Variants in FHOD1 observed in about 807,000 individuals in gnomAD.
FHOD1 encodes the protein formin homology 2 domain containing 1, also known as FH1/FH2 domain-containing protein 1.
A neutral mutation model predicts 111.6 loss-of-function variants in FHOD1; 89 were observed. That is an observed-to-expected ratio of 0.80 (90% CI 0.67 to 0.95). FHOD1 has a LOEUF of 0.95. Among genes scored for constraint, FHOD1 ranks in the 40% least tolerant of loss-of-function variants. The probability of loss-of-function intolerance (pLI) is 0.00; values close to 1 mark genes in which losing one functional copy is unlikely to be tolerated. For synonymous variants in FHOD1, 618 were observed against 639.0 expected (o/e 0.97, Z 0.50); for missense variants, 1,446 against 1,554.2 (o/e 0.93, Z 1.17).
chr16:67,236,688 G>A lies in FHOD1; in HGVS notation c.1188C>T (p.Gly396=). 3 of 1,592,234 alleles carry A rather than the reference G, an allele frequency of 1.9e-6. No individual in the cohort carries two copies. The highest frequency in any genetic ancestry group is 8.6e-7 in the Non-Finnish European group (1 of 1,169,166). The change falls in exon 11 of 22, where the codon GGC becomes GGT. Residue 396 remains glycine, a synonymous_variant. Coordinates refer to ENST00000258201, the MANE Select transcript of FHOD1 (RefSeq NM_013241.3). ...AGGCGGGGCCTGTCAGCAGGGCGGGGCCGGTGGAAGAGGTGGGGCCTACCG... is the reference window on the plus strand; with the variant it reads ...AGGCGGGGCCTGTCAGCAGGGCGGGACCGGTGGAAGAGGTGGGGCCTACCG... ...ASPVGPTSST[G]PALLTGPASS... is the part of the protein sequence containing the mutation.
chr16:67,231,954 C>T lies in FHOD1; in HGVS notation c.2202+85G>A. 1 of 1,568,176 alleles carries T rather than the reference C, an allele frequency of 6.4e-7. No homozygotes were observed. Among genetic ancestry groups the T allele is most frequent in the Non-Finnish European group, 8.7e-7 (1 of 1,153,292 alleles). On this transcript the variant is annotated intron_variant, in intron 14 of 21. Coordinates refer to ENST00000258201, the MANE Select transcript of FHOD1 (RefSeq NM_013241.3). This position sits in a 1 kb window ranked among gnomAD's most constrained non-coding sequence, Gnocchi z 4.3. ...GCCCTGCAGAAATGCCAAGCCCATG[C>T]CCACCACCAGAGGGACAGGAAATGC...
chr16:67,238,459 A>G lies in FHOD1; in HGVS notation c.374-12T>C, dbSNP rs1213449593. ...GCTATACAGCTTTTCTGCAAAAGGT[A>G]GGGTATAAAACCCTTGATGGACACA... is the stretch of plus-strand genomic sequence containing the variant. On this transcript the variant is annotated splice_polypyrimidine_tract_variant and intron_variant, in intron 3 of 21. Transcript: ENST00000258201. This position sits in a 1 kb window ranked among gnomAD's most constrained non-coding sequence, Gnocchi z 4.2. 6.2e-7 allele frequency: 1 copy of G among 1,612,142 alleles called. No individual in the cohort carries two copies. Among genetic ancestry groups the G allele is most frequent in the Admixed American group, 1.7e-5 (1 of 59,792 alleles).
chr16:67,229,684 G>C lies in FHOD1; in HGVS notation c.3447C>G (p.Asp1149Glu), dbSNP rs1239796547. ...RRTLKSGLGDDLVQALGLSKG... is the reference protein window; with the variant it reads ...RRTLKSGLGDELVQALGLSKG... Reference sequence around the variant, plus strand: ...TGCTTAGTCCCAGTGCCTGCACCAGGTCATCTCCGAGCCCACTCTTCAACG... The same window carrying C: ...TGCTTAGTCCCAGTGCCTGCACCAGCTCATCTCCGAGCCCACTCTTCAACG... Residue 1149 changes from aspartate to glutamate, a missense_variant, in exon 22 of 22, where the codon GAC becomes GAG. Around this residue, in one of 3 missense-constraint regions of FHOD1, gnomAD observed 1,085 missense variants for 1,108.8 expected, o/e 0.98. Transcript: ENST00000258201. The C allele has an allele frequency of 5.6e-6, 9 of 1,614,062 alleles. No homozygotes were observed. Among genetic ancestry groups the C allele is most frequent in the African/African-American group, 1.3e-5 (1 of 74,904 alleles).
At position 67,230,426 on chromosome 16, in the gene FHOD1, A is replaced by G. The variant is rs772896045; in HGVS notation, c.2939T>C (p.Leu980Pro). ...CCGATACTCAAGCGCAAATTCCCGCAGCGTGTGGCAGAACTGCATGATGCG... is the reference window on the plus strand; with the variant it reads ...CCGATACTCAAGCGCAAATTCCCGCGGCGTGTGGCAGAACTGCATGATGCG... ...EVRIMQFCHT[L>P]REFALEYRTC... Residue 980 changes from leucine (L) to proline (P), a missense_variant, in exon 19 of 22, where the codon CTG (leucine) becomes CCG (proline). Leu to Pro is a moderately conservative substitution (Grantham distance 98). This residue lies in a region of FHOD1 where 1,085 missense variants were observed against 1,108.8 expected (regional missense o/e 0.98). Coordinates refer to ENST00000258201, the MANE Select transcript of FHOD1 (RefSeq NM_013241.3). 6.2e-7 allele frequency: 1 copy of G among 1,614,220 alleles called. No individual in the cohort carries two copies. The highest frequency in any genetic ancestry group is 8.5e-7 in the Non-Finnish European group (1 of 1,180,036).
Position 67,236,740 on chromosome 16 carries a change from G to A in FHOD1, c.1143-7C>T. The A allele has an allele frequency of 6.5e-7, 1 of 1,533,468 alleles. No individual in the cohort carries two copies. The highest frequency in any genetic ancestry group is 8.8e-7 in the Non-Finnish European group (1 of 1,138,802). The allele number at this position is 1,533,468 out of a possible 1,614,324, so 95.0% of individuals were successfully genotyped here. A position where few individuals can be genotyped will look rare whatever the true frequency, so the allele number is the denominator to read the frequency against. ...TGAGGCGGGGCCTGTGGGGCTGAAA[G>A]CAGGGGCTGTCAGTGGGGCGGGGCC... On this transcript the variant is annotated splice_region_variant and splice_polypyrimidine_tract_variant and intron_variant, in intron 10 of 21. Coordinates refer to ENST00000258201, the MANE Select transcript of FHOD1 (RefSeq NM_013241.3).
In FHOD1 at chr16:67,234,497, C is replaced by T. The variant is rs77162225; in HGVS notation, c.1320-25G>A. On this transcript the variant is annotated intron_variant, in intron 11 of 21. Coordinates refer to ENST00000258201, the MANE Select transcript of FHOD1 (RefSeq NM_013241.3). ...TCTGAGGGAAGGTGCTTGTCACTGA[C>T]AGCGTCTGACACACCCCAGCCCAGG... The T allele has an allele frequency of 1.2e-3, 1,785 of 1,546,094 alleles. 17 individuals are homozygous for T. The African/African-American group carries it at 0.021, about 18-fold the overall frequency.
At chr16:67,234,598 C>A in intron 11 of FHOD1, 126 bp from the exon 12 acceptor site, 6 of 789,022 alleles carry the variant, frequency 7.6e-6, no homozygotes, top group Non-Finnish European at 4.1e-6. Context: ...ACAGTCCATG[C>A]GCTGAGCAGA....
intron 1 of FHOD1, among the ~76,000 whole-genome samples, chr16:67,243,278 T>G (rs1038793747): frequency 6.6e-6 from 1 of 152,170 alleles, no homozygotes; most frequent in Non-Finnish European, 1.5e-5. Flanking sequence ...AGAGTGTGAC[T>G]TCCTGAATGA....
chr16:67,247,060 C>A, intron 1 of FHOD1, 150 bp downstream of exon 1: 1 of 864,960 alleles, frequency 1.2e-6, no homozygotes, highest in Non-Finnish European at 1.7e-6. Context: ...CCCCCGCAGG[C>A]GGGGCAGAGT....
At position 67,237,856 on chromosome 16, in the gene FHOD1, G is replaced by A; in HGVS notation, c.643-88C>T. 1.4e-6 allele frequency: 2 copies of A among 1,397,972 alleles called. No homozygotes were observed. The highest frequency in any genetic ancestry group is 1.2e-5 in the South Asian group (1 of 84,842). The allele number at this position is 1,397,972 out of a possible 1,614,324, so 86.6% of individuals were successfully genotyped here. ...GGGAAGGGGAAGGGCTGCTGGGGCT[G>A]GACCCAGAGAGAATCTAGGCAGAAT... is the stretch of plus-strand genomic sequence containing the variant. On this transcript the variant is annotated intron_variant, in intron 6 of 21. Coordinates refer to ENST00000258201, the MANE Select transcript of FHOD1 (RefSeq NM_013241.3). This position sits in a 1 kb window ranked among gnomAD's most constrained non-coding sequence, Gnocchi z 5.6.
intron 11 of FHOD1, chr16:67,236,125 G>T: frequency 2.6e-6 from 2 of 763,618 alleles, no homozygotes; most frequent in Non-Finnish European, 3.2e-6. Context: ...CTCCATGGTT[G>T]CTCATACCCA....
Position 67,237,235 on chromosome 16 carries a change from C to A in FHOD1, c.993+4G>T. On this transcript the variant is annotated splice_donor_region_variant and intron_variant, in intron 9 of 21. Transcript: ENST00000258201. The surrounding 1 kb of genome is among the most constrained non-coding windows in gnomAD (Gnocchi z 5.6). Reference sequence around the variant, plus strand: ...TCCGCCTCAGAGCGTAAGGCCCGGCCCACCTCGTAGAGCACAAGCTGCGTG... The same window carrying A: ...TCCGCCTCAGAGCGTAAGGCCCGGCACACCTCGTAGAGCACAAGCTGCGTG... 6.2e-7 allele frequency: 1 copy of A among 1,612,662 alleles called. No homozygotes were observed. Among genetic ancestry groups the A allele is most frequent in the Non-Finnish European group, 8.5e-7 (1 of 1,179,102 alleles).
rs769858079 is a variant in FHOD1 at position 67,233,682 on chromosome 16, C to T, written c.2021G>A (p.Arg674His). 1.4e-5 allele frequency: 22 copies of T among 1,600,902 alleles called. 1 individual carries two copies. The Admixed American group carries it at 2.0e-4, about 15-fold the overall frequency. The change falls in exon 13 of 22, where the codon CGT becomes CAT. Residue 674 changes from arginine (R) to histidine (H), a missense_variant. This residue lies in a region of FHOD1 where 1,085 missense variants were observed against 1,108.8 expected (regional missense o/e 0.98). Transcript: ENST00000258201. ...TARLEHLFES[R>H]AKEVLPSKKA... ...CTTGGAGGGCAGCACCTCTTTGGCA[C>T]GAGACTCAAAGAGGTGTTCCAGTCG...
chr16:67,234,571 G>A (rs746589830), intron 11 of FHOD1, 99 bp from the exon 12 acceptor site: 228 of 1,001,878 alleles, frequency 2.3e-4, no homozygotes, highest in Middle Eastern at 3.0e-4. Context: ...TTGCAGGCAC[G>A]CACAGACACA....
Position 67,239,353 on chromosome 16 carries a change from C to G in FHOD1, c.303G>C (p.Glu101Asp), listed in dbSNP as rs201953720. The change falls in exon 2 of 22, where the codon GAG becomes GAC. Residue 101 changes from glutamate to aspartate, a missense_variant. By Grantham distance (45) the Glu-to-Asp change is conservative. This residue lies in a region of FHOD1 where 234 missense variants were observed against 327.4 expected (regional missense o/e 0.71). Transcript: ENST00000258201. ...CTGGCCCCATCAGTTCTGACCTGAT[C>G]TCTTCATAGAAGCCCTCCAGCATCT... is the stretch of plus-strand genomic sequence containing the variant. ...QREMLEGFYEEISKGRKPTLI... is the reference protein window; with the variant it reads ...QREMLEGFYEDISKGRKPTLI... 1 of 1,613,856 alleles carries G rather than the reference C, an allele frequency of 6.2e-7. No individual in the cohort carries two copies. The highest frequency in any genetic ancestry group is 1.3e-5 in the African/African-American group (1 of 75,044).
At position 67,231,191 on chromosome 16, in the gene FHOD1, G is replaced by A; in HGVS notation, c.2664C>T (p.Ala888=). 1.9e-6 allele frequency: 3 copies of A among 1,614,082 alleles called. No individual in the cohort carries two copies. The highest frequency in any genetic ancestry group is 2.5e-6 in the Non-Finnish European group (3 of 1,179,982). ...YSEIPALTRC[A]KVDFEQLTEN... The stretch of plus-strand genomic sequence containing the variant: ...GTTGATTCTGGCAGGTGCTAACCTT[G>A]GCACAGCGGGTCAGGGCAGGGATTT... Residue 888 remains alanine, a synonymous_variant, in exon 17 of 22, where the codon GCC becomes GCT. Transcript: ENST00000258201. The surrounding 1 kb of genome is among the most constrained non-coding windows in gnomAD (Gnocchi z 4.3).
At position 67,236,568 on chromosome 16, in the gene FHOD1, C is replaced by T. The variant is rs2034483358; in HGVS notation, c.1308G>A (p.Arg436=). 1.9e-6 allele frequency: 3 copies of T among 1,613,030 alleles called. No homozygotes were observed. Among genetic ancestry groups the T allele is most frequent in the Non-Finnish European group, 2.5e-6 (3 of 1,179,680 alleles). ...GTCTCCCTACTTACTTGTAGATGCT[C>T]CTCTCGCTGGAGGTGTCAGCTGAGG... ...VAPSADTSSE[R]SIYKARFLEN... is the part of the protein sequence containing the mutation. Residue 436 remains arginine (R), a synonymous_variant, in exon 11 of 22, where the codon AGG becomes AGA. Transcript: ENST00000258201.
intron 1 of FHOD1, among the ~76,000 whole-genome samples, chr16:67,241,511 C>T (rs577171030): frequency 2.6e-5 from 4 of 152,226 alleles, no homozygotes; most frequent in Non-Finnish European, 5.9e-5. Flanking sequence ...TCAGGGATCC[C>T]CTCGAATCAC....
At position 67,234,112 on chromosome 16, in the gene FHOD1, C is replaced by A. The variant is rs762878368; in HGVS notation, c.1591G>T (p.Glu531Ter). ...AGCCTGGGTGCACGGGTAGGGAGCT[C>A]CCAGATGGGCTCAGCCTTGGGGCTT... ...PASPKAEPIW[E>*]LPTRAPRLSI... The change falls in exon 13 of 22, where the codon GAG (glutamate) becomes TAG (stop). Residue 531 changes from glutamate to a stop codon, truncating the protein, a stop_gained. Coordinates refer to ENST00000258201, the MANE Select transcript of FHOD1 (RefSeq NM_013241.3). LOFTEE classifies it high-confidence loss of function. 6.3e-7 allele frequency: 1 copy of A among 1,589,870 alleles called. No homozygotes were observed. Among genetic ancestry groups the A allele is most frequent in the East Asian group, 2.2e-5 (1 of 44,562 alleles).
Sources: allele counts gnomAD v4.1 joint callset (sites outside exome capture counted in the v4.1 genomes callset), GRCh38; gene constraint gnomAD v4.1.1; regional missense constraint gnomAD v4.1.1; non-coding constraint Gnocchi (gnomAD v3.1); transcripts MANE v1.5; gene names NCBI Gene and HGNC (gene_info 2026-07-23, HGNC 2026-07-21).